TLK2: variants seen among roughly 807,000 people sequenced by gnomAD.
The protein encoded by TLK2 is tousled like kinase 2.
TLK2 carries 6 observed loss-of-function variants against 117.3 expected under a neutral mutation model. The observed-to-expected ratio is 0.05, with a 90% CI of 0.03 to 0.10. The LOEUF (loss-of-function observed/expected upper bound fraction) is 0.10. Ranked by LOEUF, TLK2 falls within the 10% of genes least tolerant of loss-of-function variation. The probability of loss-of-function intolerance (pLI) is 1.00; values close to 1 mark genes in which losing one functional copy is unlikely to be tolerated. For synonymous variants in TLK2, 257 were observed against 316.7 expected (o/e 0.81, Z 2.00); for missense variants, 299 against 901.2 (o/e 0.33, Z 8.56).
intron 6 of TLK2, among the ~76,000 whole-genome samples, chr17:62,526,735 C>T (rs958992468): frequency 2.0e-5 from 3 of 152,218 alleles, no homozygotes; most frequent in African/African-American, 7.2e-5. Context: ...AGGTCACAGC[C>T]TCATGCCCCA....
At chr17:62,539,410 G>A (rs1275558516) in intron 7 of TLK2, among the ~76,000 whole-genome samples, 1 of 150,898 alleles carries the variant, frequency 6.6e-6, no homozygotes, top group Admixed American at 6.6e-5. Flanking sequence ...GAACATTAGA[G>A]TGTTCCAGGG....
intron 7 of TLK2, among the ~76,000 whole-genome samples, chr17:62,538,693 G>T (rs539466154): frequency 2.6e-5 from 4 of 152,336 alleles, no homozygotes; most frequent in African/African-American, 9.6e-5. Flanking sequence ...GTGGAAAGAG[G>T]TGGCAGAGAC....
At chr17:62,518,079 G>A (rs2075757029) in intron 2 of TLK2, among the ~76,000 whole-genome samples, 1 of 152,162 alleles carries the variant, frequency 6.6e-6, no homozygotes, top group Middle Eastern at 3.2e-3. Context: ...TGGGGTTTTA[G>A]CCCATTTATG....
rs2084036489 is a variant in TLK2 at position 62,615,184 on chromosome 17, GGCAA to G, written c.*2621_*2624del. 6.6e-6 allele frequency: 1 copy of G among 152,040 alleles called. No individual in the cohort carries two copies. Among genetic ancestry groups the G allele is most frequent in the South Asian group, 2.1e-4 (1 of 4,820 alleles). 9.4% of individuals were successfully genotyped at this position (152,040 alleles called of 1,614,324 possible). ...AGCTAACTAGGCTTGGCTGAGTCCG[GGCAA>G]GACCTTCTTCCGAGGCATGGACAAG... On this transcript the variant is annotated 3_prime_UTR_variant, in exon 22 of 22. Coordinates refer to ENST00000346027, the MANE Select transcript of TLK2 (RefSeq NM_006852.6).
intron 2 of TLK2, among the ~76,000 whole-genome samples, chr17:62,491,123 A>G (rs1467238330): frequency 6.6e-6 from 1 of 152,204 alleles, no homozygotes; most frequent in African/African-American, 2.4e-5. Context: ...TTTGCAGTCA[A>G]TAATATAAAA....
intron 13 of TLK2, among the ~76,000 whole-genome samples, chr17:62,577,022 G>A (rs185633754): frequency 2.6e-4 from 38 of 148,360 alleles, no homozygotes; most frequent in Non-Finnish European, 5.2e-4. Context: ...GAGTGCAGTG[G>A]CACGATCTTG....
intron 2 of TLK2, among the ~76,000 whole-genome samples, chr17:62,503,495 G>A (rs1301798838): frequency 1.4e-5 from 2 of 146,314 alleles, no homozygotes; most frequent in Non-Finnish European, 3.0e-5. Flanking sequence ...TCAGCCCACT[G>A]CAACCTCTGC....
rs1296690263 is a variant in TLK2, at chr17:62,479,123, G to C, written c.-173G>C. On this transcript the variant is annotated 5_prime_UTR_variant, in exon 1 of 22. Transcript: ENST00000346027. Reference sequence around the variant, plus strand: ...CCCCCCCTCCCCCGCCCGCCCTCTCGTGGAGCCCGGCGCCGGCGGCGGCTG... The same window carrying C: ...CCCCCCCTCCCCCGCCCGCCCTCTCCTGGAGCCCGGCGCCGGCGGCGGCTG... 6.6e-6 allele frequency: 1 copy of C among 150,382 alleles called. No homozygotes were observed. The highest frequency in any genetic ancestry group is 1.5e-5 in the Non-Finnish European group (1 of 67,394). The allele number at this position is 150,382 out of a possible 1,614,324, so 9.3% of individuals were successfully genotyped here. A position where few individuals can be genotyped will look rare whatever the true frequency, so the allele number is the denominator to read the frequency against.
intron 19 of TLK2, 98 bp from the exon 20 acceptor site, chr17:62,606,032 T>A: frequency 2.1e-6 from 1 of 482,944 alleles, no homozygotes; most frequent in Non-Finnish European, 3.4e-6. Context: ...AAAAACGATA[T>A]TTCTATTTTC....
intron 6 of TLK2, among the ~76,000 whole-genome samples, chr17:62,527,151 C>T (rs1371699163): frequency 6.6e-6 from 1 of 152,138 alleles, no homozygotes; most frequent in Non-Finnish European, 1.5e-5. Context: ...TTCTCAGATA[C>T]CAGCAATCTC....
chr17:62,573,178 A>ACTTT, intron 11 of TLK2, 37 bp from the exon 12 acceptor site: 1 of 1,577,228 alleles, frequency 6.3e-7, no homozygotes, highest in Non-Finnish European at 8.6e-7. Context: ...AAAACTTTTG[A>ACTTT]CTTTCTTTCT....
At chr17:62,482,576 A>G (rs1387660168) in intron 2 of TLK2, among the ~76,000 whole-genome samples, 1 of 150,918 alleles carries the variant, frequency 6.6e-6, no homozygotes, top group Non-Finnish European at 1.5e-5. Context: ...CAGCATCCTG[A>G]GTAGCTGGGA....
chr17:62,477,533 G>T (rs772807162), upstream of TLK2: 2 of 152,326 alleles, frequency 1.3e-5, no homozygotes, highest in African/African-American at 2.4e-5. Flanking sequence ...ATTAAGAGAA[G>T]AACGAAGAAA....
chr17:62,560,864 A>G (rs1035810942), intron 10 of TLK2, among the ~76,000 whole-genome samples: 2 of 151,924 alleles, frequency 1.3e-5, no homozygotes, highest in African/African-American at 2.4e-5. Flanking sequence ...TTTAGGGTAT[A>G]TGTGCACAAC....
chr17:62,546,727 T>A (rs1274575379), intron 7 of TLK2, among the ~76,000 whole-genome samples: 3 of 151,658 alleles, frequency 2.0e-5, no homozygotes, highest in Non-Finnish European at 2.9e-5. Flanking sequence ...AGCTAATTTT[T>A]AAAAATATTT....
chr17:62,490,217 C>A (rs1367616838), intron 2 of TLK2, among the ~76,000 whole-genome samples: 3 of 152,188 alleles, frequency 2.0e-5, no homozygotes, highest in Non-Finnish European at 2.9e-5. Flanking sequence ...TATACTAGAC[C>A]TTCTCATTGT....
intron 17 of TLK2, among the ~76,000 whole-genome samples, chr17:62,597,831 A>C (rs1223270453): frequency 6.6e-6 from 1 of 152,158 alleles, no homozygotes; most frequent in African/African-American, 2.4e-5. Context: ...CTCTGGGTTT[A>C]TCCAGCAGTT....
chr17:62,472,004 C>T (rs1286308430), intron 1 of TLK2, among the ~76,000 whole-genome samples: 2 of 136,132 alleles, frequency 1.5e-5, no homozygotes, highest in South Asian at 2.4e-4. Context: ...CTCCTGGGTT[C>T]GTGCCATTCT....
intron 1 of TLK2, among the ~76,000 whole-genome samples, chr17:62,471,618 G>C (rs1409707440): frequency 6.6e-6 from 1 of 152,088 alleles, no homozygotes; most frequent in Admixed American, 6.6e-5. Flanking sequence ...TGGCAGGCTG[G>C]GCTAACGAGC....
Sources: allele counts gnomAD v4.1 joint callset (sites outside exome capture counted in the v4.1 genomes callset), GRCh38; gene constraint gnomAD v4.1.1; transcripts MANE v1.5; gene names NCBI Gene and HGNC (gene_info 2026-07-23, HGNC 2026-07-21).